Variants in NEXMIF observed in about 807,000 individuals in gnomAD.
The protein encoded by NEXMIF is neurite extension and migration factor.
Under a neutral mutation model 62.1 loss-of-function variants are expected in NEXMIF, and 8 were observed. That is an observed-to-expected ratio of 0.13 (90% CI 0.08 to 0.23). The LOEUF (loss-of-function observed/expected upper bound fraction) is 0.23. Ranked by LOEUF, NEXMIF falls within the 10% of genes least tolerant of loss-of-function variation. NEXMIF has a pLI of 1.00. For missense variants in NEXMIF, 976 were observed against 1,113.3 expected (o/e 0.88, Z 1.75); for synonymous variants, 404 against 416.6 (o/e 0.97, Z 0.37).
intron 1 of NEXMIF, among the ~76,000 whole-genome samples, chrX:74,795,288 C>G (rs1422485936): frequency 8.9e-6 from 1 of 112,140 alleles, no homozygotes; most frequent in Non-Finnish European, 1.9e-5. Flanking sequence ...ATCAAGATGT[C>G]TTTCAACAAG....
intron 1 of NEXMIF, among the ~76,000 whole-genome samples, chrX:74,834,327 AG>A (rs2080449237): frequency 9.0e-6 from 1 of 110,843 alleles, no homozygotes; most frequent in Non-Finnish European, 1.9e-5. Flanking sequence ...ACTTATGATA[AG>A]GGTAGTTAAA....
chrX:74,910,298 C>T (rs1382791975), intron 1 of NEXMIF, among the ~76,000 whole-genome samples: 1 of 112,497 alleles, frequency 8.9e-6, no homozygotes, highest in African/African-American at 3.2e-5. Context: ...ATCAGCGTGA[C>T]CTGGACATGA....
rs142822527 is a variant in NEXMIF, at chrX:74,742,242, C to T, written c.2315G>A (p.Arg772His). Residue 772 changes from arginine to histidine, a missense_variant, in exon 3 of 4, where the codon CGT becomes CAT. Transcript: ENST00000055682. ...EVIPGTSNSS[R>H]LSEFHEAKAA... ...CTTTGCCTCATGAAATTCAGATAGA[C>T]GGGAACTGTTTGATGTCCCAGGAAT... 121 of 1,209,534 alleles carry T rather than the reference C, an allele frequency of 1.0e-4. No homozygotes were observed. Among genetic ancestry groups the T allele is most frequent in the Non-Finnish European group, 1.2e-4 (104 of 894,784 alleles).
chrX:74,772,474 AG>A (rs2080212875), intron 1 of NEXMIF, among the ~76,000 whole-genome samples: 1 of 112,747 alleles, frequency 8.9e-6, no homozygotes, highest in Non-Finnish European at 1.9e-5. Context: ...GTGGAGAGGC[AG>A]GTCAGAGGAG....
At chrX:74,765,715 T>C (rs2080192614) in intron 1 of NEXMIF, among the ~76,000 whole-genome samples, 1 of 109,867 alleles carries the variant, frequency 9.1e-6, no homozygotes, top group South Asian at 4.0e-4. Context: ...AAATTCTCGG[T>C]TGAAGATTTT....
intron 1 of NEXMIF, among the ~76,000 whole-genome samples, chrX:74,918,749 T>C (rs1196920914): frequency 8.9e-6 from 1 of 112,143 alleles, no homozygotes; most frequent in East Asian, 2.8e-4. Flanking sequence ...CTGAAAATGT[T>C]TGCAGAAGCA....
At chrX:74,860,292 C>T (rs1469586375) in intron 1 of NEXMIF, among the ~76,000 whole-genome samples, 1 of 111,701 alleles carries the variant, frequency 9.0e-6, no homozygotes, top group Non-Finnish European at 1.9e-5. Flanking sequence ...GAAATAGACT[C>T]CAATACAATA....
intron 1 of NEXMIF, among the ~76,000 whole-genome samples, chrX:74,850,368 C>G (rs1383117748): frequency 1.8e-5 from 2 of 112,264 alleles, no homozygotes; most frequent in Non-Finnish European, 3.8e-5. Context: ...ACCCGAGGAC[C>G]ACCACTACCA....
intron 1 of NEXMIF, among the ~76,000 whole-genome samples, chrX:74,775,250 C>T (rs2147456535): frequency 8.9e-6 from 1 of 111,879 alleles, no homozygotes; most frequent in East Asian, 2.8e-4. Flanking sequence ...ACAAAATGTT[C>T]CAGCATATTT....
rs1414711834 is a variant in NEXMIF at position 74,733,115 on chromosome X, C to G, written c.*6290G>C. 9.0e-6 allele frequency: 1 copy of G among 111,701 alleles called. No homozygotes were observed. The highest frequency in any genetic ancestry group is 1.9e-5 in the Non-Finnish European group (1 of 53,134). The allele number at this position is 111,701 out of a possible 1,213,427, so 9.2% of individuals were successfully genotyped here. A position where few individuals can be genotyped will look rare whatever the true frequency, so the allele number is the denominator to read the frequency against. On this transcript the variant is annotated 3_prime_UTR_variant, in exon 4 of 4. Coordinates refer to ENST00000055682, the MANE Select transcript of NEXMIF (RefSeq NM_001008537.3). ...TCTTGTTAAAATTCAGATTCTCATT[C>G]AGCAGAATTGGTGTAGGGCTTGGAA...
intron 1 of NEXMIF, among the ~76,000 whole-genome samples, chrX:74,865,739 T>C (rs2080576610): frequency 8.9e-6 from 1 of 112,008 alleles, no homozygotes; most frequent in African/African-American, 3.2e-5. Flanking sequence ...TCTCTAGCCA[T>C]GGCTAAAGTA....
intron 1 of NEXMIF, among the ~76,000 whole-genome samples, chrX:74,890,528 G>A (rs1371818690): frequency 9.0e-6 from 1 of 111,340 alleles, no homozygotes; most frequent in Non-Finnish European, 1.9e-5. Context: ...AATAATGCAG[G>A]TGTGCCCTAA....
At chrX:74,856,754 A>T (rs1298229500) in intron 1 of NEXMIF, among the ~76,000 whole-genome samples, 1 of 111,965 alleles carries the variant, frequency 8.9e-6, no homozygotes, top group African/African-American at 3.2e-5. Context: ...TGAAAGAGGC[A>T]CTAAACAGGG....
intron 1 of NEXMIF, among the ~76,000 whole-genome samples, chrX:74,856,049 CCAAACA>C (rs1237555257): frequency 9.0e-6 from 1 of 111,302 alleles, no homozygotes; most frequent in East Asian, 2.8e-4. Flanking sequence ...AAAGTATGGC[CCAAACA>C]CAGAAAAAAA....
chrX:74,869,112 A>C (rs1193923171), intron 1 of NEXMIF, among the ~76,000 whole-genome samples: 1 of 112,026 alleles, frequency 8.9e-6, no homozygotes, highest in Non-Finnish European at 1.9e-5. Context: ...ACAAAACATT[A>C]AAAAGATCAT....
At chrX:74,907,293 A>ATGTTTC (rs2080772023) in intron 1 of NEXMIF, among the ~76,000 whole-genome samples, 1 of 108,268 alleles carries the variant, frequency 9.2e-6, no homozygotes, top group Non-Finnish European at 1.9e-5. Flanking sequence ...GTGTTAAATG[A>ATGTTTC]AACAGATAAG....
chrX:74,793,247 CT>C (rs2080292231), intron 1 of NEXMIF, among the ~76,000 whole-genome samples: 5 of 110,131 alleles, frequency 4.5e-5, no homozygotes, highest in African/African-American at 1.7e-4. Flanking sequence ...CTTAGTTTGG[CT>C]GGATATGAAA....
chrX:74,878,702 T>A (rs1262093307), intron 1 of NEXMIF, among the ~76,000 whole-genome samples: 2 of 112,641 alleles, frequency 1.8e-5, no homozygotes, highest in Non-Finnish European at 3.8e-5. Context: ...TGCGCCGTTT[T>A]TTAAGCCTGT....
intron 1 of NEXMIF, among the ~76,000 whole-genome samples, chrX:74,902,307 G>C (rs1222067591): frequency 1.8e-5 from 2 of 108,964 alleles, no homozygotes; most frequent in East Asian, 5.8e-4. Flanking sequence ...AATAACATTG[G>C]CTCTCTGTGC....
Sources: allele counts gnomAD v4.1 joint callset (sites outside exome capture counted in the v4.1 genomes callset), GRCh38; gene constraint gnomAD v4.1.1; transcripts MANE v1.5; gene names NCBI Gene and HGNC (gene_info 2026-07-23, HGNC 2026-07-21).